The following TMEM144 variants were observed in gnomAD, a reference collection of about 807,000 sequenced individuals.
The protein encoded by TMEM144 is transmembrane protein 144.
Under a neutral mutation model 43.6 loss-of-function variants are expected in TMEM144, and 39 were observed. The ratio of observed to expected loss-of-function variants is 0.90; its 90% CI spans 0.69 to 1.17. TMEM144 has a LOEUF of 1.17. TMEM144 is among the 50% of genes most tolerant of loss of function. The pLI, the probability that TMEM144 is intolerant of heterozygous loss-of-function variation, is 0.00. For synonymous variants in TMEM144, 154 were observed against 133.6 expected (o/e 1.15, Z -1.06); for missense variants, 417 against 411.9 (o/e 1.01, Z -0.11).
intron 12 of TMEM144, 101 bp from the exon 13 acceptor site, chr4:158,253,343 C>G (rs2111161334): frequency 1.0e-6 from 1 of 976,564 alleles, no homozygotes; most frequent in Non-Finnish European, 1.5e-6. Context: ...GTACAGGCGG[C>G]TAGAGCAGAT....
chr4:158,250,323 T>C (rs967032246), intron 12 of TMEM144, among the ~76,000 whole-genome samples: 8 of 151,956 alleles, frequency 5.3e-5, no homozygotes, highest in African/African-American at 1.9e-4. Context: ...GGACTTTGTT[T>C]CTGTTCTGTT....
Position 158,215,187 on chromosome 4 carries a change from C to A in TMEM144, c.110-4C>A, listed in dbSNP as rs1045243866. 3.7e-6 allele frequency: 6 copies of A among 1,613,378 alleles called. No individual in the cohort carries two copies. The African/African-American group carries it at 8.0e-5, about 22-fold the overall frequency. ...CCACTAACACTGAGTTTGTTTATTT[C>A]TAGGAATGTTTCTCCAGTGGGTTCT... On this transcript the variant is annotated splice_polypyrimidine_tract_variant and splice_region_variant and intron_variant, in intron 3 of 12. Coordinates refer to ENST00000296529, the MANE Select transcript of TMEM144 (RefSeq NM_018342.5).
Position 158,248,123 on chromosome 4 carries a change from TAAAA to T in TMEM144, c.954+3793_954+3796del, listed in dbSNP as rs753919532. ...GAGGGCCAAGCTGAAAGCAAAGAAT[TAAAA>T]AAAAAAAAAAAAAAAAAACCTGGGG... On this transcript the variant is annotated intron_variant, in intron 12 of 12. Coordinates refer to ENST00000296529, the MANE Select transcript of TMEM144 (RefSeq NM_018342.5). Among the ~76,000 whole-genome samples the T allele has an allele frequency of 6.0e-5, 6 of 99,622 alleles. No individual in the cohort carries two copies. The South Asian group carries it at 9.9e-4, about 17-fold the overall frequency. 65.4% of individuals were successfully genotyped at this position (99,622 alleles called of 152,430 possible).
At chr4:158,249,887 G>GGTGTGTGTGAGTGTGTGT (rs1736097931) in intron 12 of TMEM144, among the ~76,000 whole-genome samples, 1 of 134,464 alleles carries the variant, frequency 7.4e-6, no homozygotes, top group East Asian at 2.2e-4. Context: ...CCTACTGCCA[G>GGTGTGTGTGAGTGTGTGT]GTGTGTGTGT....
At chr4:158,221,248 G>C (rs1734493773) in intron 6 of TMEM144, among the ~76,000 whole-genome samples, 1 of 152,116 alleles carries the variant, frequency 6.6e-6, no homozygotes, top group African/African-American at 2.4e-5. Context: ...TTGAGCAAAA[G>C]AAGGAAGGTT....
intron 12 of TMEM144, among the ~76,000 whole-genome samples, chr4:158,249,032 G>A (rs1034391154): frequency 2.6e-5 from 4 of 151,962 alleles, no homozygotes; most frequent in Non-Finnish European, 4.4e-5. Flanking sequence ...TCAGCCTCCC[G>A]AGTAGCTGGG....
At chr4:158,249,720 C>G (rs1736085739) in intron 12 of TMEM144, among the ~76,000 whole-genome samples, 2 of 152,122 alleles carry the variant, frequency 1.3e-5, no homozygotes, top group Non-Finnish European at 2.9e-5. Flanking sequence ...GTAATTGCAT[C>G]AATTTCAAAT....
intron 6 of TMEM144, among the ~76,000 whole-genome samples, chr4:158,232,545 A>G (rs1470813549): frequency 6.6e-6 from 1 of 152,202 alleles, no homozygotes; most frequent in Non-Finnish European, 1.5e-5. Flanking sequence ...CGTTTGTCCA[A>G]CTGAGGATGT....
chr4:158,222,086 T>A (rs766006479), intron 6 of TMEM144, among the ~76,000 whole-genome samples: 4 of 150,534 alleles, frequency 2.7e-5, no homozygotes, highest in South Asian at 4.2e-4. Flanking sequence ...GTAAAAAAAA[T>A]TTTGAATGTT....
At chr4:158,222,956 C>A (rs17037299) in intron 6 of TMEM144, among the ~76,000 whole-genome samples, 1,597 of 152,252 alleles carry the variant, frequency 0.01, 45 homozygotes, top group East Asian at 0.1. Context: ...ATGTACTGCA[C>A]CAAGTTATTT....
chr4:158,213,864 C>T (rs536196723), intron 3 of TMEM144: 1 of 152,008 alleles, frequency 6.6e-6, no homozygotes, highest in Middle Eastern at 3.4e-3. Flanking sequence ...GGGAACTACC[C>T]GAAGAACAAA....
intron 7 of TMEM144, chr4:158,235,117 T>C (rs1453562408): frequency 1.0e-5 from 2 of 198,100 alleles, no homozygotes; most frequent in African/African-American, 4.6e-5. Flanking sequence ...CTAATTTCCT[T>C]ACAGATTATG....
rs375713658 is a variant in TMEM144 at position 158,240,340 on chromosome 4, A to G, written c.724A>G (p.Thr242Ala). The stretch of plus-strand genomic sequence containing the variant: ...TGCGCACTTCAGTGGCATCTTTCTT[A>G]CAAGTACTGTCTACTTTCTGGCCTA... The part of the protein sequence containing the change: ...VFAHFSGIFL[T>A]STVYFLAYCI... Residue 242 changes from threonine (T) to alanine (A), a missense_variant, in exon 10 of 13, where the codon ACA becomes GCA. Thr to Ala is a moderately conservative substitution (Grantham distance 58). Coordinates refer to ENST00000296529, the MANE Select transcript of TMEM144 (RefSeq NM_018342.5). 8.7e-6 allele frequency: 14 copies of G among 1,613,810 alleles called. No homozygotes were observed. The African/African-American group carries it at 1.2e-4, about 14-fold the overall frequency.
At chr4:158,224,977 G>A (rs759159703) in intron 6 of TMEM144, among the ~76,000 whole-genome samples, 1 of 152,162 alleles carries the variant, frequency 6.6e-6, no homozygotes, top group Non-Finnish European at 1.5e-5. Flanking sequence ...CAGGGTCAGG[G>A]TGTTGTAAAC....
At chr4:158,230,423 C>A (rs925409658) in intron 6 of TMEM144, among the ~76,000 whole-genome samples, 5 of 152,090 alleles carry the variant, frequency 3.3e-5, no homozygotes, top group African/African-American at 9.7e-5. Flanking sequence ...ACTAGTTGTC[C>A]ATCTTGGTCC....
At position 158,244,313 on chromosome 4, in the gene TMEM144, T is replaced by G. The variant is rs1258706142; in HGVS notation, c.918T>G (p.Ala306=). The G allele has an allele frequency of 1.2e-6, 2 of 1,606,462 alleles. No individual in the cohort carries two copies. The highest frequency in any genetic ancestry group is 2.7e-5 in the African/African-American group (2 of 74,622). ...PIITAGPGFI[A]AMWGIFMFKE... is the part of the protein sequence containing the mutation. ...TATTTAAGGGTCCAGGATTTATAGC[T>G]GCAATGTGGGGTATCTTCATGTTTA... Residue 306 remains alanine, a synonymous_variant, in exon 12 of 13, where the codon GCT becomes GCG. Transcript: ENST00000296529.
At position 158,240,435 on chromosome 4, in the gene TMEM144, C is replaced by T. The variant is rs1735576942; in HGVS notation, c.802+17C>T. On this transcript the variant is annotated intron_variant, in intron 10 of 12. Transcript: ENST00000296529. ...TCCTACCAGGTAAGAATATGTACTA[C>T]AGATCTTCTTACTATATGAAAGTGT... is the stretch of plus-strand genomic sequence containing the variant. 1 of 1,583,766 alleles carries T rather than the reference C, an allele frequency of 6.3e-7. No homozygotes were observed. Among genetic ancestry groups the T allele is most frequent in the Non-Finnish European group, 8.5e-7 (1 of 1,169,956 alleles).
intron 12 of TMEM144, among the ~76,000 whole-genome samples, chr4:158,249,066 C>T (rs1736040214): frequency 6.6e-6 from 1 of 152,084 alleles, no homozygotes; most frequent in Non-Finnish European, 1.5e-5. Context: ...GCCACCACGC[C>T]CAGCTAATTT....
At chr4:158,235,559 C>T in intron 8 of TMEM144, 54 bp downstream of exon 8, 2 of 1,504,058 alleles carry the variant, frequency 1.3e-6, no homozygotes, top group Non-Finnish European at 1.8e-6. Flanking sequence ...TTGGTTAAAG[C>T]AGGGATTACC....
Sources: gnomAD v4.1 joint callset for allele counts (sites outside exome capture counted in the v4.1 genomes callset) on GRCh38, gnomAD v4.1.1 for gene constraint, MANE v1.5 for transcripts, NCBI Gene and HGNC (gene_info 2026-07-23, HGNC 2026-07-21) for gene names.